The following HMCES variants were observed in gnomAD, a reference collection of about 807,000 sequenced individuals.
HMCES encodes the protein abasic site processing protein HMCES.
Under a neutral mutation model 35.1 loss-of-function variants are expected in HMCES, and 27 were observed. That is an observed-to-expected ratio of 0.77 (90% CI 0.57 to 1.06). The LOEUF (loss-of-function observed/expected upper bound fraction) is 1.06, where lower values mean the gene tolerates loss of function less well. Among genes scored for constraint, HMCES ranks in the 50% least tolerant of loss-of-function variants. HMCES has a pLI of 0.00. For missense variants in HMCES, 391 were observed against 430.4 expected (o/e 0.91, Z 0.81); for synonymous variants, 130 against 154.7 (o/e 0.84, Z 1.18).
At chr3:129,301,882 GTC>G in intron 5 of HMCES, 66 bp from the exon 6 acceptor site, 1 of 1,315,324 alleles carries the variant, frequency 7.6e-7, no homozygotes, top group Non-Finnish European at 1.1e-6. Context: ...GCTGACTCAA[GTC>G]TCTCTCCCTT....
chr3:129,294,520 AC>A (rs1340964718), intron 4 of HMCES, among the ~76,000 whole-genome samples: 1 of 152,232 alleles, frequency 6.6e-6, no homozygotes, highest in Non-Finnish European at 1.5e-5. Context: ...ACACTACATT[AC>A]TATTGAAAAT....
At chr3:129,302,510 C>G (rs1024770646) in intron 6 of HMCES, among the ~76,000 whole-genome samples, 5 of 152,034 alleles carry the variant, frequency 3.3e-5, no homozygotes, top group Admixed American at 6.6e-5. Flanking sequence ...GTCAACAGAT[C>G]GAGACCATCC....
Position 129,279,834 on chromosome 3 carries a change from C to T in HMCES, c.102C>T (p.Asp34=). The T allele has an allele frequency of 3.1e-6, 5 of 1,613,408 alleles. No individual in the cohort carries two copies. The highest frequency in any genetic ancestry group is 4.2e-6 in the Non-Finnish European group (5 of 1,179,812). The change falls in exon 2 of 7, where the codon GAC becomes GAT. Residue 34 remains aspartate, a synonymous_variant. Transcript: ENST00000383463. This position sits in a 1 kb window ranked among gnomAD's most constrained non-coding sequence, Gnocchi z 4.2. The stretch of plus-strand genomic sequence containing the variant: ...AGCAGCGGCTCCCGGAGTGGAGGGA[C>T]CCTGATAAGTACTGCCCCTCTTACA... ...RGQQRLPEWR[D]PDKYCPSYNK...
intron 4 of HMCES, among the ~76,000 whole-genome samples, chr3:129,293,456 A>C (rs2071048906): frequency 6.6e-6 from 1 of 152,128 alleles, no homozygotes; most frequent in South Asian, 2.1e-4. Context: ...GACAAGATTA[A>C]TTTATAAAAC....
At chr3:129,280,007 C>A in intron 2 of HMCES, 92 bp downstream of exon 2, 1 of 1,092,730 alleles carries the variant, frequency 9.2e-7, no homozygotes, top group South Asian at 1.8e-5. Context: ...CTTGGGATGA[C>A]ATTAAAAACC....
At chr3:129,280,061 T>G (rs1428720372) in intron 2 of HMCES, 146 bp downstream of exon 2, 1 of 633,910 alleles carries the variant, frequency 1.6e-6, no homozygotes, top group Non-Finnish European at 2.5e-6. Flanking sequence ...GAACCTCTCT[T>G]GGCCTCATGA....
At chr3:129,291,178 G>C (rs1023392186) in intron 4 of HMCES, among the ~76,000 whole-genome samples, 1 of 152,260 alleles carries the variant, frequency 6.6e-6, no homozygotes, top group East Asian at 1.9e-4. Context: ...CTGGGCGACA[G>C]AGCAAGACTC....
At chr3:129,294,285 C>T (rs13072704) in intron 4 of HMCES, among the ~76,000 whole-genome samples, 80,004 of 151,820 alleles carry the variant, frequency 0.53, 24,539 homozygotes, top group Non-Finnish European at 0.67. Flanking sequence ...TAGCCTGGTG[C>T]AGTGGTGGGT....
In HMCES at chr3:129,298,571, T is replaced by C. The variant is rs1189515830; in HGVS notation, c.635+36T>C. 3 of 1,582,130 alleles carry C rather than the reference T, an allele frequency of 1.9e-6. No homozygotes were observed. In the East Asian group the frequency reaches 6.8e-5, roughly 36 times the overall value. ...CTTCTTAGCCCTGGATCCAAAAGGATCCAAAAGATGATTTGTCCTCTGCTT... is the reference window on the plus strand; with the variant it reads ...CTTCTTAGCCCTGGATCCAAAAGGACCCAAAAGATGATTTGTCCTCTGCTT... On this transcript the variant is annotated intron_variant, in intron 5 of 6. Coordinates refer to ENST00000383463, the MANE Select transcript of HMCES (RefSeq NM_020187.3).
chr3:129,294,141 G>A (rs919243028), intron 4 of HMCES, among the ~76,000 whole-genome samples: 5 of 151,918 alleles, frequency 3.3e-5, no homozygotes, highest in East Asian at 3.9e-4. Context: ...TCTTTAGGCC[G>A]GGCGCAGTGG....
At position 129,305,135 on chromosome 3, in the gene HMCES, C is replaced by T. The variant is rs150504680; in HGVS notation, c.*310C>T. 2.2e-3 allele frequency: 826 copies of T among 381,362 alleles called. 21 individuals carry two copies. The Admixed American group carries it at 0.031, about 14-fold the overall frequency. The allele number at this position is 381,362 out of a possible 1,614,324, so 23.6% of individuals were successfully genotyped here. A position where few individuals can be genotyped will look rare whatever the true frequency, so the allele number is the denominator to read the frequency against. ...CATGCCTTACCCAGCTGGGAAGTCT[C>T]TGCCCTGATCTGGTACTCCTTGTAG... On this transcript the variant is annotated 3_prime_UTR_variant, in exon 7 of 7. Transcript: ENST00000383463.
Position 129,303,650 on chromosome 3 carries a change from A to G in HMCES, c.829-939A>G, listed in dbSNP as rs566675185. On this transcript the variant is annotated intron_variant, in intron 6 of 6. Coordinates refer to ENST00000383463, the MANE Select transcript of HMCES (RefSeq NM_020187.3). ...GCACTTAAAAAGTTTAGGATTTTGG[A>G]GCATTTTGGATCTTGGATTTTCAGG... 2.0e-5 allele frequency among the ~76,000 whole-genome samples: 3 copies of G among 152,166 alleles called. No individual in the cohort carries two copies. The East Asian group carries it at 5.8e-4, about 29-fold the overall frequency.
At chr3:129,282,084 AAC>A (rs968123344) in intron 2 of HMCES, among the ~76,000 whole-genome samples, 18 of 152,252 alleles carry the variant, frequency 1.2e-4, no homozygotes, top group Middle Eastern at 3.4e-3. Context: ...TATTCTGGAG[AAC>A]CTTGAAGGGG....
At chr3:129,292,311 A>G (rs1031075443) in intron 4 of HMCES, among the ~76,000 whole-genome samples, 7 of 151,388 alleles carry the variant, frequency 4.6e-5, no homozygotes, top group Non-Finnish European at 1.0e-4. Flanking sequence ...GTTACCGAGT[A>G]AAAGGGACTT....
chr3:129,290,670 T>C lies in HMCES; in HGVS notation c.328-9T>C. On this transcript the variant is annotated splice_polypyrimidine_tract_variant and intron_variant, in intron 3 of 6. Coordinates refer to ENST00000383463, the MANE Select transcript of HMCES (RefSeq NM_020187.3). Reference sequence around the variant, plus strand: ...ACTAAGACCATATCTTGCTCACATTTTCCCTCAGGTGCCTCTGGGAAAGGG... The same window carrying C: ...ACTAAGACCATATCTTGCTCACATTCTCCCTCAGGTGCCTCTGGGAAAGGG... The C allele has an allele frequency of 6.2e-7, 1 of 1,611,846 alleles. No individual in the cohort carries two copies. The highest frequency in any genetic ancestry group is 8.5e-7 in the Non-Finnish European group (1 of 1,178,468).
At chr3:129,298,214 G>T in intron 4 of HMCES, 140 bp from the exon 5 acceptor site, 1 of 703,128 alleles carries the variant, frequency 1.4e-6, no homozygotes, top group Non-Finnish European at 2.4e-6. Flanking sequence ...TCTTTCCTTT[G>T]GTGACAGAGG....
In HMCES at chr3:129,298,457, C is replaced by G. The variant is rs763882710; in HGVS notation, c.557C>G (p.Pro186Arg). The change falls in exon 5 of 7, where the codon CCA (proline) becomes CGA (arginine). Residue 186 changes from proline to arginine, a missense_variant. Transcript: ENST00000383463. ...GGGATCTTTGACTGCTGGGAGCCCC[C>G]AGAGGGAGGAGATGTCCTGTATTCC... ...MAGIFDCWEP[P>R]EGGDVLYSYT... is the part of the protein sequence containing the mutation. 1 of 1,614,158 alleles carries G rather than the reference C, an allele frequency of 6.2e-7. No individual in the cohort carries two copies. The highest frequency in any genetic ancestry group is 8.5e-7 in the Non-Finnish European group (1 of 1,180,016).
chr3:129,288,210 C>T (rs1940690693), intron 2 of HMCES, among the ~76,000 whole-genome samples: 1 of 150,098 alleles, frequency 6.7e-6, no homozygotes, highest in South Asian at 2.1e-4. Context: ...AGGAATTCAA[C>T]GTTGCAGTGA....
chr3:129,283,601 C>T (rs1940557006), intron 2 of HMCES, among the ~76,000 whole-genome samples: 1 of 152,068 alleles, frequency 6.6e-6, no homozygotes, highest in Non-Finnish European at 1.5e-5. Flanking sequence ...GAGGCTGAGG[C>T]AGGTGGATCG....
Sources: gnomAD v4.1 joint callset for allele counts (sites outside exome capture counted in the v4.1 genomes callset) on GRCh38, gnomAD v4.1.1 for gene constraint, Gnocchi (gnomAD v3.1) non-coding constraint, MANE v1.5 for transcripts, NCBI Gene and HGNC (gene_info 2026-07-23, HGNC 2026-07-21) for gene names.